Variants in NRXN1 observed in about 807,000 individuals in gnomAD.
NRXN1 encodes neurexin 1, also known as neurexin-1.
In NRXN1, 39 loss-of-function variants were observed where a neutral mutation model predicts 150.9. That is an observed-to-expected ratio of 0.26 (90% confidence interval 0.20 to 0.34). The LOEUF (loss-of-function observed/expected upper bound fraction) is 0.34. Among genes scored for constraint, NRXN1 ranks in the 10% least tolerant of loss-of-function variants. NRXN1 has a pLI of 1.00. For synonymous variants in NRXN1, 924 were observed against 757.0 expected (o/e 1.22, Z -3.62); for missense variants, 1,815 against 1,949.9 (o/e 0.93, Z 1.30).
At chr2:50,299,675 T>G (rs2073977054) in intron 17 of NRXN1, among the ~76,000 whole-genome samples, 1 of 152,166 alleles carries the variant, frequency 6.6e-6, no homozygotes, top group Non-Finnish European at 1.5e-5. Context: ...AAATTGTTCT[T>G]TATTTTTAAA....
intron 5 of NRXN1, among the ~76,000 whole-genome samples, chr2:50,781,510 G>A (rs1405308088): frequency 6.6e-6 from 1 of 152,184 alleles, no homozygotes; most frequent in African/African-American, 2.4e-5. Context: ...GAAGGAGAGT[G>A]ATTCAAAGGC....
chr2:51,002,192 T>C (rs937704572), intron 2 of NRXN1, among the ~76,000 whole-genome samples: 4 of 151,988 alleles, frequency 2.6e-5, no homozygotes, highest in African/African-American at 9.7e-5. Context: ...TTTTCTCTTG[T>C]TTATTAGCTA....
intron 2 of NRXN1, among the ~76,000 whole-genome samples, chr2:50,965,270 T>A (rs1186739295): frequency 6.6e-6 from 1 of 151,384 alleles, no homozygotes; most frequent in Non-Finnish European, 1.5e-5. Context: ...TCTTGGACAC[T>A]AACATTTTTA....
At chr2:50,293,164 C>A (rs1558467419) in intron 17 of NRXN1, among the ~76,000 whole-genome samples, 1 of 152,118 alleles carries the variant, frequency 6.6e-6, no homozygotes, top group Admixed American at 6.6e-5. Flanking sequence ...TTCTTCCATT[C>A]CCAAGCCTGC....
At chr2:50,264,579 T>C (rs1255720138) in intron 17 of NRXN1, among the ~76,000 whole-genome samples, 4 of 151,966 alleles carry the variant, frequency 2.6e-5, no homozygotes. Flanking sequence ...TATATATCTA[T>C]GTATAATAAA....
chr2:50,838,016 C>A (rs1025617346), intron 5 of NRXN1, among the ~76,000 whole-genome samples: 4 of 152,080 alleles, frequency 2.6e-5, no homozygotes, highest in Non-Finnish European at 5.9e-5. Flanking sequence ...GAGTGAAACA[C>A]ATCTAAAGAC....
chr2:50,809,299 G>A (rs2105751024), intron 5 of NRXN1, among the ~76,000 whole-genome samples: 1 of 152,116 alleles, frequency 6.6e-6, no homozygotes, highest in South Asian at 2.1e-4. Flanking sequence ...TCTACCGAAG[G>A]TCCCTTGAAG....
intron 18 of NRXN1, among the ~76,000 whole-genome samples, chr2:50,207,289 G>T (rs2062670663): frequency 7.6e-6 from 1 of 130,938 alleles, no homozygotes; most frequent in Non-Finnish European, 1.7e-5. Flanking sequence ...CTATTAAATT[G>T]CTGTGGAAAT....
intron 21 of NRXN1, among the ~76,000 whole-genome samples, chr2:50,026,243 C>A (rs1374675058): frequency 6.6e-6 from 1 of 152,166 alleles, no homozygotes; most frequent in Non-Finnish European, 1.5e-5. Flanking sequence ...TTTTGAGGCA[C>A]ATGCTATCTG....
chr2:50,046,891 T>C (rs540602276), intron 21 of NRXN1, among the ~76,000 whole-genome samples: 1 of 152,314 alleles, frequency 6.6e-6, no homozygotes, highest in South Asian at 2.1e-4. Context: ...AATGCCTAAA[T>C]AGATACTATT....
intron 5 of NRXN1, among the ~76,000 whole-genome samples, chr2:50,723,764 G>A (rs1036672184): frequency 3.3e-5 from 5 of 152,198 alleles, no homozygotes; most frequent in South Asian, 2.1e-4. Context: ...GTACCAACAG[G>A]AGACTCAGTG....
At chr2:50,159,761 G>C (rs561001229) in intron 18 of NRXN1, among the ~76,000 whole-genome samples, 7 of 152,114 alleles carry the variant, frequency 4.6e-5, no homozygotes, top group Admixed American at 1.3e-4. Context: ...AAAATGTCTT[G>C]GGAGAAGGAA....
At chr2:50,070,040 CG>C (rs1225405399) in intron 19 of NRXN1, among the ~76,000 whole-genome samples, 1 of 151,776 alleles carries the variant, frequency 6.6e-6, no homozygotes, top group Non-Finnish European at 1.5e-5. Flanking sequence ...TTAGTAGAGA[CG>C]GGTTTTCACC....
At chr2:50,538,734 A>C in intron 9 of NRXN1, 98 bp from the exon 10 acceptor site, 1 of 958,338 alleles carries the variant, frequency 1.0e-6, no homozygotes, top group Non-Finnish European at 1.4e-6. Flanking sequence ...AACTCCTTGG[A>C]GGCAGACAAT....
At chr2:50,524,618 C>G (rs918589017) in intron 12 of NRXN1, among the ~76,000 whole-genome samples, 2 of 151,892 alleles carry the variant, frequency 1.3e-5, no homozygotes, top group African/African-American at 2.4e-5. Context: ...GAATAGAAAG[C>G]ATAAGAAAAC....
rs1037503854 is a variant in NRXN1, at chr2:50,667,740, T to C, written c.833-44125A>G. Reference sequence around the variant, plus strand: ...TGTATCCCTTCTTATCTTTACCACCTATATGTTTCTGTTTTTACCCCTGGC... The same window carrying C: ...TGTATCCCTTCTTATCTTTACCACCCATATGTTTCTGTTTTTACCCCTGGC... On this transcript the variant is annotated intron_variant, in intron 5 of 22. Transcript: ENST00000401669. Among the ~76,000 whole-genome samples, 36 of 151,964 alleles carry C rather than the reference T, an allele frequency of 2.4e-4. 1 individual carries two copies. Among genetic ancestry groups the C allele is most frequent in the African/African-American group, 8.2e-4 (34 of 41,432 alleles).
chr2:50,895,169 C>T (rs1372015480), intron 5 of NRXN1, among the ~76,000 whole-genome samples: 7 of 152,260 alleles, frequency 4.6e-5, no homozygotes, highest in South Asian at 4.1e-4. Context: ...ACATCTCAAA[C>T]GCTGTAAGAG....
intron 5 of NRXN1, among the ~76,000 whole-genome samples, chr2:50,786,163 T>C (rs1705085373): frequency 6.6e-6 from 1 of 152,064 alleles, no homozygotes. Flanking sequence ...CTGTAATACA[T>C]ATATAAAATA....
intron 21 of NRXN1, among the ~76,000 whole-genome samples, chr2:50,051,541 G>C (rs1440102918): frequency 2.0e-5 from 3 of 152,024 alleles, no homozygotes; most frequent in Non-Finnish European, 4.4e-5. Flanking sequence ...TTATCAGTAA[G>C]TGAACCATAA....
Sources: allele counts gnomAD v4.1 joint callset (sites outside exome capture counted in the v4.1 genomes callset), GRCh38; gene constraint gnomAD v4.1.1; transcripts MANE v1.5; gene names NCBI Gene and HGNC (gene_info 2026-07-23, HGNC 2026-07-21).